PLXNA4: variants seen among roughly 807,000 people sequenced by gnomAD.
The protein encoded by PLXNA4 is plexin A4, also known as plexin-A4.
A neutral mutation model predicts 191.8 loss-of-function variants in PLXNA4; 44 were observed. The ratio of observed to expected loss-of-function variants is 0.23; its 90% CI spans 0.18 to 0.29. The LOEUF (loss-of-function observed/expected upper bound fraction) is 0.29. Ranked by LOEUF, PLXNA4 falls within the 10% of genes least tolerant of loss-of-function variation. The probability of loss-of-function intolerance (pLI) is 1.00; values close to 1 mark genes in which losing one functional copy is unlikely to be tolerated. For synonymous variants in PLXNA4, 1,082 were observed against 1,009.5 expected (o/e 1.07, Z -1.36); for missense variants, 1,800 against 2,488.8 (o/e 0.72, Z 5.89).
intron 25 of PLXNA4, among the ~76,000 whole-genome samples, chr7:132,157,838 G>A (rs1795840764): frequency 1.3e-5 from 2 of 152,190 alleles, no homozygotes; most frequent in African/African-American, 4.8e-5. Context: ...TGGACGTGGG[G>A]AACACAAAAA....
intron 23 of PLXNA4, 56 bp downstream of exon 23, chr7:132,165,078 C>CA (rs1249435995): frequency 3.1e-6 from 5 of 1,587,540 alleles, no homozygotes; most frequent in African/African-American, 2.7e-5. Flanking sequence ...GATCCCCAGT[C>CA]AGGCTGCAGA....
chr7:132,565,731 A>G (rs945893769), intron 1 of PLXNA4, among the ~76,000 whole-genome samples: 1 of 152,156 alleles, frequency 6.6e-6, no homozygotes, highest in African/African-American at 2.4e-5. Flanking sequence ...GCTCTGCTAT[A>G]TCCTTGCAAA....
At chr7:132,540,882 C>G (rs1369873487) in intron 1 of PLXNA4, among the ~76,000 whole-genome samples, 1 of 152,024 alleles carries the variant, frequency 6.6e-6, no homozygotes, top group Admixed American at 6.6e-5. Flanking sequence ...CCACCGCGCC[C>G]GGCCTGGACC....
Position 132,223,999 on chromosome 7 carries a change from G to T in PLXNA4, c.1983-358C>A, listed in dbSNP as rs143787939. 5.3e-3 allele frequency among the ~76,000 whole-genome samples: 807 copies of T among 152,254 alleles called. 7 individuals are homozygous for T. The highest frequency in any genetic ancestry group is 0.022 in the South Asian group (105 of 4,818). On this transcript the variant is annotated intron_variant, in intron 8 of 31. Transcript: ENST00000321063. Reference sequence around the variant, plus strand: ...AAGAGTTGGGGCAAACAAAAGATTAGGTTTGTATGCAAATTGACTCCGGGT... The same window carrying T: ...AAGAGTTGGGGCAAACAAAAGATTATGTTTGTATGCAAATTGACTCCGGGT...
intron 9 of PLXNA4, among the ~76,000 whole-genome samples, chr7:132,214,641 A>G (rs1797908620): frequency 6.6e-6 from 1 of 152,124 alleles, no homozygotes. Context: ...CTCCAGGGCA[A>G]CTTCGGATAA....
intron 31 of PLXNA4, among the ~76,000 whole-genome samples, chr7:132,132,478 C>CTTTCTATTCTATTCTAT (rs1563048426): frequency 4.8e-5 from 3 of 62,588 alleles, no homozygotes; most frequent in Non-Finnish European, 9.6e-5. Context: ...CTCTGCTCTG[C>CTTTCTATTCTATTCTAT]TCTGCTCTGC....
chr7:132,284,046 A>T (rs954661931), intron 4 of PLXNA4, among the ~76,000 whole-genome samples: 1 of 152,152 alleles, frequency 6.6e-6, no homozygotes, highest in African/African-American at 2.4e-5. Context: ...GAGAAAGGGC[A>T]CCTGTAGCCC....
At chr7:132,409,125 A>T (rs1794347150) in intron 3 of PLXNA4, among the ~76,000 whole-genome samples, 1 of 152,128 alleles carries the variant, frequency 6.6e-6, no homozygotes, top group Admixed American at 6.5e-5. Flanking sequence ...TGCTGACTTG[A>T]TGTCCTTGGG....
At chr7:132,545,952 C>T (rs551641649) in intron 1 of PLXNA4, among the ~76,000 whole-genome samples, 1 of 152,204 alleles carries the variant, frequency 6.6e-6, no homozygotes. Flanking sequence ...AGTTGCCAAC[C>T]AACCCCCAAA....
intron 3 of PLXNA4, among the ~76,000 whole-genome samples, chr7:132,481,616 G>A (rs73444826): frequency 0.041 from 6,298 of 152,238 alleles, 213 homozygotes; most frequent in African/African-American, 0.084. Context: ...AAGCTCAGTA[G>A]TTCCCTCTGC....
At chr7:132,153,291 G>A (rs1354836996) in intron 25 of PLXNA4, among the ~76,000 whole-genome samples, 1 of 152,124 alleles carries the variant, frequency 6.6e-6, no homozygotes, top group Non-Finnish European at 1.5e-5. Context: ...GGTGTAGGGA[G>A]GTCAGGAGCT....
At chr7:132,443,690 C>T (rs1398291393) in intron 3 of PLXNA4, among the ~76,000 whole-genome samples, 1 of 152,230 alleles carries the variant, frequency 6.6e-6, no homozygotes, top group Non-Finnish European at 1.5e-5. Context: ...ACGTCTGCAT[C>T]CTTTCTTTAT....
At chr7:132,133,925 G>A (rs1361871170) in intron 30 of PLXNA4, among the ~76,000 whole-genome samples, 1 of 152,288 alleles carries the variant, frequency 6.6e-6, no homozygotes, top group South Asian at 2.1e-4. Flanking sequence ...CTGCATAAAA[G>A]AGAAGAGGTA....
At chr7:132,179,980 G>C in intron 19 of PLXNA4, 59 bp from the exon 20 acceptor site, 1 of 1,527,296 alleles carries the variant, frequency 6.5e-7, no homozygotes, top group Non-Finnish European at 8.8e-7. Flanking sequence ...TTTGGCAACA[G>C]TCCCAAGTTA....
intron 3 of PLXNA4, among the ~76,000 whole-genome samples, chr7:132,419,530 A>G (rs1794779041): frequency 6.6e-6 from 1 of 152,258 alleles, no homozygotes; most frequent in South Asian, 2.1e-4. Flanking sequence ...AAGTTAAAGG[A>G]AATAAGAAAA....
At chr7:132,572,176 C>T (rs892668975) in intron 1 of PLXNA4, among the ~76,000 whole-genome samples, 1 of 152,190 alleles carries the variant, frequency 6.6e-6, no homozygotes, top group African/African-American at 2.4e-5. Flanking sequence ...GGTCAGATTG[C>T]TCACAAGTGA....
intron 3 of PLXNA4, among the ~76,000 whole-genome samples, chr7:132,305,260 C>G (rs1392591078): frequency 6.6e-6 from 1 of 152,078 alleles, no homozygotes; most frequent in African/African-American, 2.4e-5. Flanking sequence ...GCCACATGAG[C>G]ACTTAAGGAC....
intron 3 of PLXNA4, among the ~76,000 whole-genome samples, chr7:132,487,943 T>C (rs1482246271): frequency 6.6e-6 from 1 of 152,214 alleles, no homozygotes; most frequent in East Asian, 1.9e-4. Flanking sequence ...AATTATGAAA[T>C]ACAATTCTTA....
intron 1 of PLXNA4, among the ~76,000 whole-genome samples, chr7:132,522,452 G>A (rs1388773067): frequency 6.6e-6 from 1 of 152,214 alleles, no homozygotes; most frequent in East Asian, 1.9e-4. Context: ...CAGATCTTCA[G>A]TTGATCCAAT....
Sources: gnomAD v4.1 joint callset for allele counts (sites outside exome capture counted in the v4.1 genomes callset) on GRCh38, gnomAD v4.1.1 for gene constraint, MANE v1.5 for transcripts, NCBI Gene and HGNC (gene_info 2026-07-23, HGNC 2026-07-21) for gene names.